The following SLCO3A1 variants were observed in gnomAD, a reference collection of about 807,000 sequenced individuals.
The protein encoded by SLCO3A1 is solute carrier organic anion transporter family member 3A1, also known as PGE1 transporter.
SLCO3A1 carries 27 observed loss-of-function variants against 63.1 expected under a neutral mutation model. The ratio of observed to expected loss-of-function variants is 0.43; its 90% CI spans 0.32 to 0.59. The LOEUF is 0.59. SLCO3A1 is among the 20% of genes least tolerant of loss of function. The probability of loss-of-function intolerance (pLI) is 0.09; values close to 1 mark genes in which losing one functional copy is unlikely to be tolerated. For missense variants in SLCO3A1, 773 were observed against 945.8 expected, an observed-to-expected ratio of 0.82 and a Z score of 2.40; for synonymous variants, 473 against 409.9, an observed-to-expected ratio of 1.15 and a Z score of -1.86.
chr15:92,144,135 T>C (rs1181727596), intron 7 of SLCO3A1, among the ~76,000 whole-genome samples: 1 of 152,230 alleles, frequency 6.6e-6, no homozygotes, highest in African/African-American at 2.4e-5. Flanking sequence ...CTTCCCTTTG[T>C]AGAAGAGGAA....
intron 2 of SLCO3A1, among the ~76,000 whole-genome samples, chr15:91,929,906 C>G (rs562226638): frequency 1.2e-4 from 18 of 152,260 alleles, no homozygotes; most frequent in African/African-American, 4.1e-4. Context: ...ATATTCCACT[C>G]TATGCTTAAA....
At chr15:92,026,932 T>C (rs2046581125) in intron 2 of SLCO3A1, among the ~76,000 whole-genome samples, 1 of 152,014 alleles carries the variant, frequency 6.6e-6, no homozygotes, top group Admixed American at 6.5e-5. Context: ...CTACTAAAAA[T>C]ACAATAAACT....
At chr15:92,083,707 C>T (rs935570756) in intron 2 of SLCO3A1, among the ~76,000 whole-genome samples, 4 of 152,066 alleles carry the variant, frequency 2.6e-5, no homozygotes, top group African/African-American at 9.7e-5. Flanking sequence ...AAGGGAAGAT[C>T]TAAATGCATG....
chr15:91,915,124 A>C (rs753649787), intron 1 of SLCO3A1, among the ~76,000 whole-genome samples: 11 of 152,080 alleles, frequency 7.2e-5, no homozygotes, highest in Non-Finnish European at 1.3e-4. Context: ...CCTTGGTGTG[A>C]GGTCTGCATC....
intron 1 of SLCO3A1, among the ~76,000 whole-genome samples, chr15:91,898,410 C>T (rs1898063813): frequency 6.6e-6 from 1 of 152,224 alleles, no homozygotes; most frequent in Admixed American, 6.5e-5. Context: ...TCTCTCTTGG[C>T]TTTCAGCTTT....
At chr15:92,083,861 C>A (rs1224039422) in intron 2 of SLCO3A1, among the ~76,000 whole-genome samples, 1 of 152,114 alleles carries the variant, frequency 6.6e-6, no homozygotes, top group Non-Finnish European at 1.5e-5. Context: ...TCAAAACAAT[C>A]CTGCGAGGTG....
At chr15:91,933,889 A>C (rs1899316539) in intron 2 of SLCO3A1, among the ~76,000 whole-genome samples, 1 of 152,204 alleles carries the variant, frequency 6.6e-6, no homozygotes, top group South Asian at 2.1e-4. Flanking sequence ...TCTGATTTTT[A>C]TGAGTCAGGA....
At chr15:92,120,396 A>G (rs2047849222) in intron 4 of SLCO3A1, 69 bp from the exon 5 acceptor site, 2 of 1,502,300 alleles carry the variant, frequency 1.3e-6, no homozygotes, top group South Asian at 2.4e-5. Flanking sequence ...CCTTAGGAGC[A>G]GGGAGCTATA....
At chr15:91,990,082 T>C (rs1411071318) in intron 2 of SLCO3A1, among the ~76,000 whole-genome samples, 3 of 152,220 alleles carry the variant, frequency 2.0e-5, no homozygotes, top group Non-Finnish European at 4.4e-5. Context: ...CCATAGATTT[T>C]TAAAATGATG....
Position 91,941,359 on chromosome 15 carries a change from C to G in SLCO3A1, c.646+24901C>G. Reference sequence around the variant, plus strand: ...GACCAGCTAGGACTGAGCCCAAAGACCTGAGATTCCCTGGGAGGCTGTGGG... The same window carrying G: ...GACCAGCTAGGACTGAGCCCAAAGAGCTGAGATTCCCTGGGAGGCTGTGGG... On this transcript the variant is annotated intron_variant, in intron 2 of 9. Coordinates refer to ENST00000318445, the MANE Select transcript of SLCO3A1 (RefSeq NM_013272.4). This position sits in a 1 kb window ranked among gnomAD's most constrained non-coding sequence, Gnocchi z 4.4. 2.7e-6 allele frequency: 1 copy of G among 365,482 alleles called. No homozygotes were observed. The highest frequency in any genetic ancestry group is 5.4e-6 in the Non-Finnish European group (1 of 186,190). The allele number at this position is 365,482 out of a possible 1,614,324, so 22.6% of individuals were successfully genotyped here.
chr15:92,154,343 T>A (rs2151596784), intron 9 of SLCO3A1, among the ~76,000 whole-genome samples: 1 of 152,300 alleles, frequency 6.6e-6, no homozygotes, highest in Middle Eastern at 3.4e-3. Flanking sequence ...TAGAGCAAGT[T>A]GGGAGTGGTG....
chr15:92,107,481 G>GT (rs2047679963), intron 4 of SLCO3A1, among the ~76,000 whole-genome samples: 1 of 152,174 alleles, frequency 6.6e-6, no homozygotes, highest in African/African-American at 2.4e-5. Context: ...CCTTCATCCA[G>GT]TTTGCATCCT....
intron 10 of SLCO3A1, chr15:92,171,649 C>T (rs2240589): frequency 0.38 from 256,752 of 678,362 alleles, 50,590 homozygotes; most frequent in African/African-American, 0.57. Context: ...CACTTTATTG[C>T]TTTGACTGCC....
intron 3 of SLCO3A1, among the ~76,000 whole-genome samples, chr15:92,096,978 G>C (rs61675342): frequency 0.04 from 6,043 of 152,200 alleles, 375 homozygotes; most frequent in African/African-American, 0.13. Context: ...CATCTTGCTC[G>C]TATAGACAGG....
intron 2 of SLCO3A1, among the ~76,000 whole-genome samples, chr15:92,082,167 G>T (rs1230977180): frequency 6.6e-6 from 1 of 152,206 alleles, no homozygotes; most frequent in African/African-American, 2.4e-5. Flanking sequence ...ATGCTGGCAG[G>T]CTGTTGGCAG....
At chr15:91,915,968 T>C (rs1422585689) in intron 1 of SLCO3A1, 25 bp from the exon 2 acceptor site, 8 of 1,587,914 alleles carry the variant, frequency 5.0e-6, no homozygotes, top group Non-Finnish European at 6.9e-6. Context: ...GGATTGGCTC[T>C]GACCTTTCTT....
At chr15:91,992,517 G>A (rs1350619348) in intron 2 of SLCO3A1, among the ~76,000 whole-genome samples, 1 of 152,212 alleles carries the variant, frequency 6.6e-6, no homozygotes, top group African/African-American at 2.4e-5. Context: ...AAAACGGGAA[G>A]CCAGTGATCC....
intron 1 of SLCO3A1, among the ~76,000 whole-genome samples, chr15:91,915,756 A>G (rs1898633681): frequency 6.6e-6 from 1 of 152,138 alleles, no homozygotes; most frequent in Non-Finnish European, 1.5e-5. Context: ...CAGAAAAAAC[A>G]TTGTTGCTAC....
At chr15:92,109,958 C>G (rs1596109695) in intron 4 of SLCO3A1, among the ~76,000 whole-genome samples, 1 of 152,040 alleles carries the variant, frequency 6.6e-6, no homozygotes, top group Non-Finnish European at 1.5e-5. Flanking sequence ...TTCCAAATCC[C>G]GTGCTCTTTC....
Sources: allele counts gnomAD v4.1 joint callset (sites outside exome capture counted in the v4.1 genomes callset), GRCh38; gene constraint gnomAD v4.1.1; non-coding constraint Gnocchi (gnomAD v3.1); transcripts MANE v1.5; gene names NCBI Gene and HGNC (gene_info 2026-07-23, HGNC 2026-07-21).